The following FAM81A variants were observed in gnomAD, a reference collection of about 807,000 sequenced individuals.
FAM81A encodes family with sequence similarity 81 member A.
Under a neutral mutation model 46.7 loss-of-function variants are expected in FAM81A, and 19 were observed. The ratio of observed to expected loss-of-function variants is 0.41; its 90% CI spans 0.28 to 0.60. FAM81A has a LOEUF of 0.60. FAM81A is among the 20% of genes least tolerant of loss of function. The pLI is 0.34. For synonymous variants in FAM81A, 183 were observed against 152.9 expected (o/e 1.20, Z -1.45); for missense variants, 377 against 453.5 (o/e 0.83, Z 1.53).
Position 59,460,100 on chromosome 15 carries a change from A to G in FAM81A, c.188A>G (p.Gln63Arg). Residue 63 changes from glutamine (Q) to arginine (R), a missense_variant, in exon 3 of 9, where the codon CAG becomes CGG. Transcript: ENST00000288228. This position sits in a 1 kb window ranked among gnomAD's most constrained non-coding sequence, Gnocchi z 4.4. ...AAAGATGACATTGTCAACAGTTTGC[A>G]GAAAATGCAAAACAAAGGGGGAGGT... ...RIKDDIVNSL[Q>R]KMQNKGGGDR... 1 of 1,614,058 alleles carries G rather than the reference A, an allele frequency of 6.2e-7. No individual in the cohort carries two copies. The highest frequency in any genetic ancestry group is 8.5e-7 in the Non-Finnish European group (1 of 1,179,900).
intron 3 of FAM81A, among the ~76,000 whole-genome samples, chr15:59,473,678 C>T (rs1263130411): frequency 6.6e-6 from 1 of 152,098 alleles, no homozygotes; most frequent in Non-Finnish European, 1.5e-5. Flanking sequence ...ATTACCGTCC[C>T]CTCCAGGTAA....
intron 1 of FAM81A, among the ~76,000 whole-genome samples, chr15:59,453,145 C>T (rs901834805): frequency 4.6e-5 from 7 of 152,182 alleles, no homozygotes; most frequent in Non-Finnish European, 8.8e-5. Flanking sequence ...AAGGAACCAA[C>T]CCTTACTGGA....
chr15:59,414,761 T>C (rs8034752), intron 2 of FAM81A, among the ~76,000 whole-genome samples: 137,713 of 152,198 alleles, frequency 0.9, 63,255 homozygotes, highest in East Asian at 1. Context: ...AGCAAACTGG[T>C]GTATTTAGCG....
chr15:59,520,407 G>C (rs1254221874), intron 8 of FAM81A, among the ~76,000 whole-genome samples: 1 of 152,008 alleles, frequency 6.6e-6, no homozygotes, highest in Non-Finnish European at 1.5e-5. Context: ...TGGCCCTTCA[G>C]GTTCTAATCC....
intron 4 of FAM81A, among the ~76,000 whole-genome samples, chr15:59,501,625 A>G (rs1269078390): frequency 6.6e-6 from 1 of 152,140 alleles, no homozygotes; most frequent in Non-Finnish European, 1.5e-5. Context: ...CCCAAGTCAT[A>G]CCCTTTAGAC....
At chr15:59,455,215 C>T (rs2081469049) in intron 1 of FAM81A, among the ~76,000 whole-genome samples, 1 of 152,038 alleles carries the variant, frequency 6.6e-6, no homozygotes, top group African/African-American at 2.4e-5. Flanking sequence ...TTTTTTCTTA[C>T]TTCTTTCCAT....
At chr15:59,507,113 C>CT (rs1250307210) in intron 4 of FAM81A, 100 bp from the exon 5 acceptor site, 3 of 1,439,754 alleles carry the variant, frequency 2.1e-6, no homozygotes, top group Admixed American at 4.9e-5. Flanking sequence ...GGATAGTGCA[C>CT]TTTCTTTGAG....
intron 2 of FAM81A, among the ~76,000 whole-genome samples, chr15:59,430,563 T>C (rs1265478983): frequency 1.3e-5 from 2 of 152,012 alleles, no homozygotes; most frequent in Non-Finnish European, 2.9e-5. Flanking sequence ...CTATTCCCCT[T>C]TTTAAGGGCT....
At chr15:59,491,544 T>C (rs2141754703) in intron 3 of FAM81A, among the ~76,000 whole-genome samples, 1 of 152,276 alleles carries the variant, frequency 6.6e-6, no homozygotes, top group East Asian at 1.9e-4. Context: ...AATTTAATTG[T>C]ACATGTAAAC....
intron 1 of FAM81A, among the ~76,000 whole-genome samples, chr15:59,400,450 C>T (rs918611430): frequency 4.6e-5 from 7 of 152,164 alleles, no homozygotes; most frequent in African/African-American, 1.7e-4. Flanking sequence ...TGCCCCGCAC[C>T]GGCTCAGACC....
intron 3 of FAM81A, among the ~76,000 whole-genome samples, chr15:59,472,357 A>G (rs1419656526): frequency 6.6e-6 from 1 of 152,060 alleles, no homozygotes; most frequent in Non-Finnish European, 1.5e-5. Context: ...AACCAAACCA[A>G]ACCAAACCAA....
intron 2 of FAM81A, among the ~76,000 whole-genome samples, chr15:59,417,592 G>A (rs1430722565): frequency 2.6e-5 from 4 of 151,812 alleles, no homozygotes; most frequent in African/African-American, 9.7e-5. Context: ...GTGCACGCCT[G>A]TAATCCCAGC....
intron 2 of FAM81A, among the ~76,000 whole-genome samples, chr15:59,412,776 C>T (rs751632398): frequency 5.3e-5 from 8 of 151,254 alleles, no homozygotes; most frequent in Non-Finnish European, 7.4e-5. Context: ...GTCTCTGCTG[C>T]CATCTGCTGT....
intron 1 of FAM81A, chr15:59,401,904 T>G: frequency 1.3e-6 from 1 of 763,602 alleles, no homozygotes; most frequent in Non-Finnish European, 2.4e-6. Context: ...CTTTGAACAT[T>G]CATGAGCCTC....
chr15:59,469,538 CTTT>C (rs199942364), intron 3 of FAM81A, among the ~76,000 whole-genome samples: 2 of 142,762 alleles, frequency 1.4e-5, no homozygotes, highest in Admixed American at 7.1e-5. Flanking sequence ...GCAACCCCTG[CTTT>C]TTTTTTTTTT....
intron 2 of FAM81A, among the ~76,000 whole-genome samples, chr15:59,429,717 G>A (rs1179860910): frequency 1.3e-5 from 2 of 152,218 alleles, no homozygotes; most frequent in African/African-American, 2.4e-5. Flanking sequence ...TGACTTTTAA[G>A]TACTGTAATT....
chr15:59,400,517 T>C (rs2081065877), intron 1 of FAM81A, among the ~76,000 whole-genome samples: 1 of 152,134 alleles, frequency 6.6e-6, no homozygotes, highest in Non-Finnish European at 1.5e-5. Context: ...ATAAGGCTGA[T>C]GATGATCCTC....
intron 3 of FAM81A, among the ~76,000 whole-genome samples, chr15:59,489,142 G>A (rs1270536585): frequency 6.6e-6 from 1 of 151,780 alleles, no homozygotes; most frequent in Admixed American, 6.6e-5. Flanking sequence ...GCGGGCGCCT[G>A]TAGTCCCAGC....
intron 2 of FAM81A, among the ~76,000 whole-genome samples, chr15:59,458,985 G>A (rs1274422401): frequency 6.6e-6 from 1 of 152,148 alleles, no homozygotes; most frequent in Non-Finnish European, 1.5e-5. Flanking sequence ...TACATTGCTT[G>A]GCCTAGCATG....
Sources: gnomAD v4.1 joint callset for allele counts (sites outside exome capture counted in the v4.1 genomes callset) on GRCh38, gnomAD v4.1.1 for gene constraint, Gnocchi (gnomAD v3.1) non-coding constraint, MANE v1.5 for transcripts, NCBI Gene and HGNC (gene_info 2026-07-23, HGNC 2026-07-21) for gene names.